The following ATAD2B variants were observed in gnomAD, a reference collection of about 807,000 sequenced individuals.
ATAD2B encodes the protein ATPase family AAA domain containing 2B.
In ATAD2B, 40 loss-of-function variants were observed where a neutral mutation model predicts 167.6. The ratio of observed to expected loss-of-function variants is 0.24; its 90% CI spans 0.19 to 0.31. The LOEUF (loss-of-function observed/expected upper bound fraction) is 0.31. ATAD2B is among the 10% of genes least tolerant of loss of function. The pLI, the probability that ATAD2B is intolerant of heterozygous loss-of-function variation, is 1.00. For synonymous variants in ATAD2B, 579 were observed against 596.5 expected, an observed-to-expected ratio of 0.97 and a Z score of 0.43; for missense variants, 1,242 against 1,757.2, an observed-to-expected ratio of 0.71 and a Z score of 5.24.
intron 19 of ATAD2B, 77 bp downstream of exon 19, chr2:23,798,061 A>T: frequency 1.0e-6 from 1 of 958,078 alleles, no homozygotes; most frequent in Non-Finnish European, 1.5e-6. Flanking sequence ...TATAATAATT[A>T]AAAGGTGTCC....
chr2:23,777,707 G>T (rs1470097911), intron 22 of ATAD2B, among the ~76,000 whole-genome samples: 1 of 152,052 alleles, frequency 6.6e-6, no homozygotes, highest in Non-Finnish European at 1.5e-5. Context: ...ATATGAATAG[G>T]CCTGGGGGAT....
At position 23,860,412 on chromosome 2, in the gene ATAD2B, T is replaced by C. The variant is rs565878860; in HGVS notation, c.1480-2909A>G. 9.8e-5 allele frequency among the ~76,000 whole-genome samples: 15 copies of C among 152,356 alleles called. No homozygotes were observed. In the East Asian group the frequency reaches 2.7e-3, roughly 27 times the overall value. On this transcript the variant is annotated intron_variant, in intron 12 of 27. Coordinates refer to ENST00000238789, the MANE Select transcript of ATAD2B (RefSeq NM_017552.4). ...TGAGATCATAAACAAAATTCTCCCA[T>C]GTTTTCATCTGGTACATTTGCAGTG...
intron 22 of ATAD2B, among the ~76,000 whole-genome samples, chr2:23,780,974 T>A (rs1357655427): frequency 6.6e-6 from 1 of 152,010 alleles, no homozygotes; most frequent in African/African-American, 2.4e-5. Flanking sequence ...ATGAATGTTT[T>A]AAAAATAAGA....
the ATAD2B span, among the ~76,000 whole-genome samples, chr2:23,737,440 C>T: frequency 6.6e-6 from 1 of 152,222 alleles, no homozygotes; most frequent in Non-Finnish European, 1.5e-5. Context: ...CAAACAGAGT[C>T]TGGAGTGGAC....
rs761950739 is a variant in ATAD2B, at chr2:23,895,889, A to G, written c.298T>C (p.Cys100Arg). The change falls in exon 2 of 28, where the codon TGC (cysteine) becomes CGC (arginine). Residue 100 changes from cysteine to arginine, a missense_variant. Coordinates refer to ENST00000238789, the MANE Select transcript of ATAD2B (RefSeq NM_017552.4). ...KRTLKQPDSV[C>R]KDKSKSRSTG... is the part of the protein sequence containing the mutation. ...CTTCGTGATTTTGATTTGTCTTTGCAAACAGAATCAGGTTGTTTCAAAGTG... is the reference window on the plus strand; with the variant it reads ...CTTCGTGATTTTGATTTGTCTTTGCGAACAGAATCAGGTTGTTTCAAAGTG... The G allele has an allele frequency of 1.1e-5, 17 of 1,613,542 alleles. 1 individual carries two copies. The South Asian group carries it at 1.9e-4, about 18-fold the overall frequency.
At chr2:23,721,878 C>T in the ATAD2B span, among the ~76,000 whole-genome samples, 1 of 152,268 alleles carries the variant, frequency 6.6e-6, no homozygotes, top group African/African-American at 2.4e-5. Flanking sequence ...TGCACACACA[C>T]ACACCCTCAA....
chr2:23,770,430 T>A (rs758796185), intron 22 of ATAD2B, among the ~76,000 whole-genome samples: 9 of 152,260 alleles, frequency 5.9e-5, no homozygotes, highest in Non-Finnish European at 1.3e-4. Flanking sequence ...TCAGCTCTTA[T>A]GTCCATTATT....
rs941214833 is a variant in ATAD2B at position 23,823,647 on chromosome 2, T to A, written c.1820-78A>T. 114 of 1,284,650 alleles carry A rather than the reference T, an allele frequency of 8.9e-5. 3 individuals carry two copies. The Admixed American group carries it at 2.3e-3, about 26-fold the overall frequency. The allele number at this position is 1,284,650 out of a possible 1,614,324, so 79.6% of individuals were successfully genotyped here. A position where few individuals can be genotyped will look rare whatever the true frequency, so the allele number is the denominator to read the frequency against. Reference sequence around the variant, plus strand: ...CAACTATGTTTTGTAAATATACACATCTTTAGCTAAAGTCATAATCAATAC... The same window carrying A: ...CAACTATGTTTTGTAAATATACACAACTTTAGCTAAAGTCATAATCAATAC... On this transcript the variant is annotated intron_variant, in intron 15 of 27. Transcript: ENST00000238789.
intron 20 of ATAD2B, 27 bp downstream of exon 20, chr2:23,788,485 T>C: frequency 1.2e-6 from 2 of 1,606,474 alleles, no homozygotes; most frequent in South Asian, 1.1e-5. Context: ...ATCCCTCCCA[T>C]TTTCCTAAAG....
the ATAD2B span, among the ~76,000 whole-genome samples, chr2:23,723,717 A>C: frequency 5.9e-5 from 9 of 152,214 alleles, no homozygotes; most frequent in Non-Finnish European, 1.2e-4. Flanking sequence ...GGGTCTTCAC[A>C]AAACTGAAAA....
At chr2:23,891,728 A>AT (rs1441011629) in intron 2 of ATAD2B, among the ~76,000 whole-genome samples, 3 of 151,640 alleles carry the variant, frequency 2.0e-5, no homozygotes, top group Non-Finnish European at 4.4e-5. Flanking sequence ...ACCTCAGATG[A>AT]TACCCCCCCG....
At chr2:23,817,444 C>T (rs184264820) in intron 17 of ATAD2B, among the ~76,000 whole-genome samples, 1 of 152,304 alleles carries the variant, frequency 6.6e-6, no homozygotes, top group African/African-American at 2.4e-5. Context: ...CAGATGCAAA[C>T]TCCCATCCCT....
At position 23,757,452 on chromosome 2, in the gene ATAD2B, A is replaced by G; in HGVS notation, c.4044T>C (p.Asp1348=). The G allele has an allele frequency of 6.6e-7, 1 of 1,516,760 alleles. No homozygotes were observed. Among genetic ancestry groups the G allele is most frequent in the Non-Finnish European group, 8.8e-7 (1 of 1,138,002 alleles). The allele number at this position is 1,516,760 out of a possible 1,614,324, so 94.0% of individuals were successfully genotyped here. A position where few individuals can be genotyped will look rare whatever the true frequency, so the allele number is the denominator to read the frequency against. ...CCAGTTCTGCATCTTTAACCTCCAC[A>G]TCAGAGCCAGGTTCTAACTTCTCAT... The part of the protein sequence containing the change: ...SNNEKLEPGS[D]VEVKDAELDK... The change falls in exon 25 of 28, where the codon GAT becomes GAC. Residue 1348 remains aspartate, a synonymous_variant. Coordinates refer to ENST00000238789, the MANE Select transcript of ATAD2B (RefSeq NM_017552.4).
downstream of ATAD2B, among the ~76,000 whole-genome samples, chr2:23,748,389 A>T (rs1263376895): frequency 6.6e-6 from 1 of 152,204 alleles, no homozygotes; most frequent in Non-Finnish European, 1.5e-5. Flanking sequence ...ATAGTCTTCC[A>T]GCTAGAAAAA....
At chr2:23,770,075 C>T (rs989001034) in intron 22 of ATAD2B, among the ~76,000 whole-genome samples, 4 of 150,586 alleles carry the variant, frequency 2.7e-5, no homozygotes, top group Non-Finnish European at 5.9e-5. Context: ...TTTGGAAGGC[C>T]GAGGCGGGCG....
At chr2:23,817,232 A>G (rs1240420316) in intron 17 of ATAD2B, among the ~76,000 whole-genome samples, 1 of 152,190 alleles carries the variant, frequency 6.6e-6, no homozygotes, top group Non-Finnish European at 1.5e-5. Flanking sequence ...TGGTCTTAGG[A>G]AACAGCACAG....
At chr2:23,825,722 A>T (rs1349209377) in intron 15 of ATAD2B, among the ~76,000 whole-genome samples, 1 of 152,192 alleles carries the variant, frequency 6.6e-6, no homozygotes, top group Non-Finnish European at 1.5e-5. Context: ...ATACACAGTT[A>T]ATGAACATAT....
chr2:23,885,484 A>G (rs1450140709), intron 5 of ATAD2B, among the ~76,000 whole-genome samples: 1 of 152,210 alleles, frequency 6.6e-6, no homozygotes, highest in Non-Finnish European at 1.5e-5. Flanking sequence ...GAATAACAGA[A>G]TCACAGTTGC....
intron 1 of ATAD2B, 70 bp downstream of exon 1, chr2:23,926,485 C>T (rs1704849567): frequency 2.7e-6 from 4 of 1,503,878 alleles, no homozygotes; most frequent in African/African-American, 2.8e-5. Flanking sequence ...ACCCCCAACC[C>T]GGCCAGACAA....
Sources: gnomAD v4.1 joint callset for allele counts (sites outside exome capture counted in the v4.1 genomes callset) on GRCh38, gnomAD v4.1.1 for gene constraint, MANE v1.5 for transcripts, NCBI Gene and HGNC (gene_info 2026-07-23, HGNC 2026-07-21) for gene names.